Variants in PDE4B observed in about 807,000 individuals in gnomAD.
The protein encoded by PDE4B is 3',5'-cyclic-AMP phosphodiesterase 4B.
PDE4B carries 20 observed loss-of-function variants against 82.2 expected under a neutral mutation model. The observed-to-expected ratio is 0.24, with a 90% confidence interval of 0.17 to 0.35. The LOEUF is 0.35. PDE4B is among the 10% of genes least tolerant of loss of function. PDE4B has a pLI of 1.00. For synonymous variants in PDE4B, 320 were observed against 318.9 expected, an observed-to-expected ratio of 1.00 and a Z score of -0.04; for missense variants, 655 against 907.2, an observed-to-expected ratio of 0.72 and a Z score of 3.57.
At chr1:65,887,498 G>A (rs529077991) in intron 1 of PDE4B, among the ~76,000 whole-genome samples, 177 of 120,668 alleles carry the variant, frequency 1.5e-3, no homozygotes, top group African/African-American at 5.0e-3. Flanking sequence ...GCTCACTGCA[G>A]CCTCTGCCTC....
At chr1:66,224,397 T>A (rs10749759) in intron 3 of PDE4B, among the ~76,000 whole-genome samples, 146,401 of 152,278 alleles carry the variant, frequency 0.96, 70,646 homozygotes, top group East Asian at 1. Context: ...CAGAATTGGC[T>A]CAAGTGCAGC....
chr1:65,887,440 C>T (rs1399714932), intron 1 of PDE4B, among the ~76,000 whole-genome samples: 1 of 4,276 alleles, frequency 2.3e-4, no homozygotes, highest in East Asian at 7.1e-3. Flanking sequence ...TTTTTTTTTA[C>T]AGGGTCTCAC....
intron 3 of PDE4B, among the ~76,000 whole-genome samples, chr1:66,224,492 G>A (rs1262641413): frequency 1.3e-5 from 2 of 152,194 alleles, no homozygotes; most frequent in South Asian, 2.1e-4. Flanking sequence ...GCCGAGGCAG[G>A]TGGATCATCT....
chr1:65,806,429 A>G (rs1053994236), intron 1 of PDE4B, among the ~76,000 whole-genome samples: 1 of 152,236 alleles, frequency 6.6e-6, no homozygotes, highest in Admixed American at 6.5e-5. Context: ...GCTTACACTT[A>G]AATATAAAAT....
intron 3 of PDE4B, among the ~76,000 whole-genome samples, chr1:66,077,205 T>C (rs7415930): frequency 0.75 from 114,186 of 152,028 alleles, 43,779 homozygotes; most frequent in Non-Finnish European, 0.84. Context: ...TGATTGGTGG[T>C]GTTCAGTTTC....
intron 7 of PDE4B, among the ~76,000 whole-genome samples, chr1:66,314,331 A>G (rs1658870340): frequency 6.6e-6 from 1 of 152,168 alleles, no homozygotes; most frequent in Admixed American, 6.6e-5. Context: ...AACCTACAAT[A>G]GCTCCATGCA....
chr1:65,959,981 G>T (rs1222642742), intron 3 of PDE4B, among the ~76,000 whole-genome samples: 1 of 152,074 alleles, frequency 6.6e-6, no homozygotes, highest in South Asian at 2.1e-4. Context: ...AAACTGCAGG[G>T]ATTACGGGCA....
intron 3 of PDE4B, among the ~76,000 whole-genome samples, chr1:66,055,161 G>A (rs1254192478): frequency 2.0e-5 from 3 of 152,186 alleles, no homozygotes; most frequent in Non-Finnish European, 2.9e-5. Flanking sequence ...TTAATCATGA[G>A]TGAACTACTA....
chr1:66,252,329 C>T (rs1326808725), intron 4 of PDE4B, among the ~76,000 whole-genome samples: 1 of 152,156 alleles, frequency 6.6e-6, no homozygotes, highest in African/African-American at 2.4e-5. Flanking sequence ...CTCTCATCAG[C>T]TGGAAATACA....
chr1:66,013,467 G>GT (rs1324536848), intron 3 of PDE4B, among the ~76,000 whole-genome samples: 1 of 152,018 alleles, frequency 6.6e-6, no homozygotes, highest in Admixed American at 6.6e-5. Flanking sequence ...TACTGATACA[G>GT]TTTTTTTAAA....
At chr1:66,091,643 T>C (rs1645027023) in intron 3 of PDE4B, among the ~76,000 whole-genome samples, 1 of 152,042 alleles carries the variant, frequency 6.6e-6, no homozygotes, top group South Asian at 2.1e-4. Context: ...GTTAAAAAAA[T>C]TACATGAGAG....
At chr1:66,330,332 A>G (rs1300372130) in intron 7 of PDE4B, among the ~76,000 whole-genome samples, 1 of 152,164 alleles carries the variant, frequency 6.6e-6, no homozygotes, top group Non-Finnish European at 1.5e-5. Flanking sequence ...TCCATGCAGT[A>G]GACAATGAAT....
At chr1:66,045,754 A>G (rs1198815319) in intron 3 of PDE4B, among the ~76,000 whole-genome samples, 1 of 150,990 alleles carries the variant, frequency 6.6e-6, no homozygotes, top group African/African-American at 2.5e-5. Flanking sequence ...GATGTTCTTG[A>G]AAAGCAAATC....
chr1:66,227,503 A>G (rs376741549), intron 3 of PDE4B, among the ~76,000 whole-genome samples: 1 of 152,160 alleles, frequency 6.6e-6, no homozygotes, highest in African/African-American at 2.4e-5. Flanking sequence ...TAAATATACA[A>G]TATATATTAG....
chr1:66,140,548 G>C (rs1432564347), intron 3 of PDE4B, among the ~76,000 whole-genome samples: 1 of 152,140 alleles, frequency 6.6e-6, no homozygotes, highest in Non-Finnish European at 1.5e-5. Context: ...AGTAAAAATG[G>C]CATTGTTTTA....
At chr1:65,956,371 AAT>A (rs1285748909) in intron 3 of PDE4B, among the ~76,000 whole-genome samples, 1 of 152,092 alleles carries the variant, frequency 6.6e-6, no homozygotes, top group Non-Finnish European at 1.5e-5. Context: ...CCTTTCCACC[AAT>A]TATTTTCTTT....
intron 3 of PDE4B, among the ~76,000 whole-genome samples, chr1:65,951,373 G>A (rs1315582892): frequency 6.6e-6 from 1 of 152,096 alleles, no homozygotes; most frequent in African/African-American, 2.4e-5. Flanking sequence ...TGATACAAAA[G>A]TAATGTAGAA....
intron 7 of PDE4B, among the ~76,000 whole-genome samples, chr1:66,285,180 C>G (rs1656582679): frequency 6.6e-6 from 1 of 152,112 alleles, no homozygotes; most frequent in Non-Finnish European, 1.5e-5. Context: ...CTCAAAACAA[C>G]TCTGTGAGTT....
At chr1:66,359,774 A>T (rs1345570120) in intron 9 of PDE4B, among the ~76,000 whole-genome samples, 5 of 152,214 alleles carry the variant, frequency 3.3e-5, no homozygotes, top group African/African-American at 1.2e-4. Flanking sequence ...AGTAGTAGTT[A>T]TTAGGAGTAA....
Sources: allele counts gnomAD v4.1 joint callset (sites outside exome capture counted in the v4.1 genomes callset), GRCh38; gene constraint gnomAD v4.1.1; transcripts MANE v1.5; gene names NCBI Gene and HGNC (gene_info 2026-07-23, HGNC 2026-07-21).